DTWD2: variants seen among roughly 807,000 people sequenced by gnomAD.
The protein encoded by DTWD2 is DTW motif tRNA-uridine aminocarboxypropyltransferase 2.
In DTWD2, 39 loss-of-function variants were observed where a neutral mutation model predicts 31.8. That is an observed-to-expected ratio of 1.22 (90% CI 0.95 to 1.60). The LOEUF is 1.60. Ranked by LOEUF, DTWD2 falls within the 40% of genes most tolerant of loss-of-function variation. The pLI is 0.00. For missense variants in DTWD2, 515 were observed against 381.5 expected (o/e 1.35, Z -2.92); for synonymous variants, 180 against 142.8 (o/e 1.26, Z -1.86).
intron 4 of DTWD2, among the ~76,000 whole-genome samples, chr5:118,925,056 G>A (rs1477706145): frequency 6.6e-6 from 1 of 152,126 alleles, no homozygotes; most frequent in Non-Finnish European, 1.5e-5. Context: ...CTGCATTTTG[G>A]TCAAAGGGAA....
chr5:118,948,221 A>G (rs1754382514), intron 1 of DTWD2, among the ~76,000 whole-genome samples: 1 of 152,098 alleles, frequency 6.6e-6, no homozygotes, highest in Non-Finnish European at 1.5e-5. Flanking sequence ...CACGCCTGTA[A>G]TCCCAGCACT....
intron 4 of DTWD2, among the ~76,000 whole-genome samples, chr5:118,859,561 G>C (rs1341790487): frequency 6.6e-6 from 1 of 152,066 alleles, no homozygotes; most frequent in Non-Finnish European, 1.5e-5. Flanking sequence ...AATATCATTA[G>C]TTTTGATGTC....
chr5:118,924,292 A>G (rs1467049156), intron 4 of DTWD2, among the ~76,000 whole-genome samples: 1 of 152,192 alleles, frequency 6.6e-6, no homozygotes, highest in Non-Finnish European at 1.5e-5. Context: ...GTCCATTCAT[A>G]AGAGAAAATC....
At chr5:118,879,536 G>A (rs908057352) in intron 4 of DTWD2, among the ~76,000 whole-genome samples, 1 of 151,146 alleles carries the variant, frequency 6.6e-6, no homozygotes, top group East Asian at 1.9e-4. Flanking sequence ...CTTGAACCCA[G>A]GAGGCAGAGG....
intron 1 of DTWD2, among the ~76,000 whole-genome samples, chr5:118,978,941 G>T (rs1387483209): frequency 6.6e-6 from 1 of 152,034 alleles, no homozygotes; most frequent in Non-Finnish European, 1.5e-5. Flanking sequence ...GGAAGATGGA[G>T]GTTGCAGTGA....
intron 4 of DTWD2, among the ~76,000 whole-genome samples, chr5:118,927,402 TA>T (rs2149578273): frequency 6.6e-6 from 1 of 152,048 alleles, no homozygotes; most frequent in South Asian, 2.1e-4. Flanking sequence ...CGTAATGAAA[TA>T]AAAATAAACT....
rs558492504 is a variant in DTWD2 at position 118,966,294 on chromosome 5, G to T, written c.219-21645C>A. ...AAATGTTCAAGTTTAAAAAAGCATTGAACAGTTATCTGGTATATGTGGGTG... is the reference window on the plus strand; with the variant it reads ...AAATGTTCAAGTTTAAAAAAGCATTTAACAGTTATCTGGTATATGTGGGTG... On this transcript the variant is annotated intron_variant, in intron 1 of 5. Transcript: ENST00000510708. 9.8e-5 allele frequency among the ~76,000 whole-genome samples: 15 copies of T among 152,296 alleles called. No individual in the cohort carries two copies. In the East Asian group the frequency reaches 1.7e-3, roughly 18 times the overall value.
chr5:118,975,489 G>A (rs975265041), intron 1 of DTWD2, among the ~76,000 whole-genome samples: 1 of 152,054 alleles, frequency 6.6e-6, no homozygotes, highest in South Asian at 2.1e-4. Context: ...TTAGCTCGGA[G>A]GAATTTGATA....
intron 4 of DTWD2, among the ~76,000 whole-genome samples, chr5:118,903,811 C>T (rs1753267675): frequency 6.6e-6 from 1 of 151,964 alleles, no homozygotes; most frequent in Non-Finnish European, 1.5e-5. Flanking sequence ...TCTTGATCAT[C>T]ATCATAATCT....
At chr5:118,895,194 A>C (rs1753059001) in intron 4 of DTWD2, among the ~76,000 whole-genome samples, 1 of 152,180 alleles carries the variant, frequency 6.6e-6, no homozygotes, top group Non-Finnish European at 1.5e-5. Context: ...ACACGCAAAA[A>C]TGATCAGCAT....
chr5:118,918,439 G>A (rs1417271825), intron 4 of DTWD2, among the ~76,000 whole-genome samples: 3 of 148,574 alleles, frequency 2.0e-5, no homozygotes, highest in Non-Finnish European at 4.4e-5. Flanking sequence ...TAGAGTGAGT[G>A]ACAAGTTAGT....
At chr5:118,928,306 G>C (rs1385916615) in intron 4 of DTWD2, among the ~76,000 whole-genome samples, 1 of 151,790 alleles carries the variant, frequency 6.6e-6, no homozygotes, top group Admixed American at 6.6e-5. Flanking sequence ...AGTAAAATTT[G>C]GCAGTAGGAG....
chr5:118,931,483 G>A (rs1238619783), intron 3 of DTWD2, among the ~76,000 whole-genome samples: 1 of 151,188 alleles, frequency 6.6e-6, no homozygotes. Flanking sequence ...GGAAACTTAT[G>A]AGGATGAAGA....
intron 1 of DTWD2, among the ~76,000 whole-genome samples, chr5:118,951,830 G>T (rs1580432797): frequency 2.0e-5 from 3 of 152,174 alleles, no homozygotes; most frequent in African/African-American, 7.2e-5. Context: ...CCAAGGTGAA[G>T]GATCAAGGCA....
At chr5:118,852,028 C>T (rs1752021020) in intron 4 of DTWD2, among the ~76,000 whole-genome samples, 1 of 151,976 alleles carries the variant, frequency 6.6e-6, no homozygotes, top group Non-Finnish European at 1.5e-5. Context: ...TATAGACCTC[C>T]CTCCAGAAAT....
At chr5:118,960,240 CA>C (rs915881098) in intron 1 of DTWD2, among the ~76,000 whole-genome samples, 3 of 150,762 alleles carry the variant, frequency 2.0e-5, no homozygotes, top group Non-Finnish European at 3.0e-5. Flanking sequence ...AATCTACAAG[CA>C]AAAAAAACCC....
intron 2 of DTWD2, among the ~76,000 whole-genome samples, chr5:118,943,213 C>A (rs1010934222): frequency 1.3e-5 from 2 of 152,160 alleles, no homozygotes; most frequent in Non-Finnish European, 2.9e-5. Context: ...CTGCTAGTGA[C>A]CAAATTGTCA....
At chr5:118,893,638 A>G (rs181826360) in intron 4 of DTWD2, among the ~76,000 whole-genome samples, 3 of 152,270 alleles carry the variant, frequency 2.0e-5, no homozygotes, top group East Asian at 3.9e-4. Context: ...AATGGTCCCA[A>G]TCTAGTCACA....
rs1038855235 is a variant in DTWD2, at chr5:118,964,865, G to A, written c.219-20216C>T. ...GCAGCCTCTGCCCGGCCACCACCCC[G>A]TCTGGGAAGTGAGGAGCATCTCTGC... is the stretch of plus-strand genomic sequence containing the variant. On this transcript the variant is annotated intron_variant, in intron 1 of 5. Coordinates refer to ENST00000510708, the MANE Select transcript of DTWD2 (RefSeq NM_173666.4). Among the ~76,000 whole-genome samples the A allele has an allele frequency of 5.9e-5, 9 of 152,232 alleles. No individual in the cohort carries two copies. The South Asian group carries it at 6.2e-4, about 11-fold the overall frequency.
Sources: gnomAD v4.1 joint callset for allele counts (sites outside exome capture counted in the v4.1 genomes callset) on GRCh38, gnomAD v4.1.1 for gene constraint, MANE v1.5 for transcripts, NCBI Gene and HGNC (gene_info 2026-07-23, HGNC 2026-07-21) for gene names.